Variants in CDK11A observed in about 807,000 individuals in gnomAD.
CDK11A encodes the protein cyclin dependent kinase 11A.
A neutral mutation model predicts 83.6 loss-of-function variants in CDK11A; 55 were observed. The ratio of observed to expected loss-of-function variants is 0.66; its 90% CI spans 0.53 to 0.82. CDK11A has a LOEUF of 0.82. CDK11A is among the 40% of genes least tolerant of loss of function. CDK11A has a pLI of 0.00. For missense variants in CDK11A, 564 were observed against 810.1 expected (o/e 0.70, Z 3.69); for synonymous variants, 247 against 302.7 (o/e 0.82, Z 1.91).
chr1:1,717,408 C>CAACATCTCCTGATGTT (rs1644708338), intron 4 of CDK11A, among the ~76,000 whole-genome samples: 1 of 151,134 alleles, frequency 6.6e-6, no homozygotes, highest in African/African-American at 2.4e-5. Context: ...GATGTTGGTA[C>CAACATCTCCTGATGTT]GAGATCAAAC....
rs550710378 is a variant in CDK11A, at chr1:1,714,838, T to C, written c.488+1508A>G. On this transcript the variant is annotated intron_variant, in intron 5 of 19. Transcript: ENST00000404249. ...ATCCTCAGGGCTGGTCACAAGTGGG[T>C]GGCGGCTCGAGCTCTCTCCAGTCTC... Among the ~76,000 whole-genome samples the C allele has an allele frequency of 3.8e-3, 551 of 144,092 alleles. 7 individuals carry two copies. The highest frequency in any genetic ancestry group is 0.013 in the African/African-American group (528 of 39,874). 94.5% of individuals were successfully genotyped at this position (144,092 alleles called of 152,430 possible). A position where few individuals can be genotyped will look rare whatever the true frequency, so the allele number is the denominator to read the frequency against.
intron 5 of CDK11A, 21 bp downstream of exon 5, chr1:1,716,325 C>G (rs749820169): frequency 8.1e-6 from 13 of 1,607,094 alleles, no homozygotes; most frequent in Non-Finnish European, 1.0e-5. Context: ...ATAAAGTCCT[C>G]AACTGACCCA....
chr1:1,704,476 G>A (rs774425128), intron 14 of CDK11A, 74 bp downstream of exon 14: 7 of 1,554,576 alleles, frequency 4.5e-6, no homozygotes, highest in Non-Finnish European at 6.1e-6. Flanking sequence ...CCTCCCTGCA[G>A]CACTGTCACC....
chr1:1,718,304 CTAGAG>C (rs969622605), intron 4 of CDK11A, among the ~76,000 whole-genome samples: 11 of 148,640 alleles, frequency 7.4e-5, no homozygotes, highest in African/African-American at 2.7e-4. Context: ...ATGCTTTCAG[CTAGAG>C]TATTCTCTCT....
In CDK11A at chr1:1,719,510, C is replaced by T. The variant is rs567135494; in HGVS notation, c.228-55G>A. ...TGCTTGAGAAAGTGCGGAAAAGCAT[C>T]AGGCTATTATGAGGTTTTTTCAACC... On this transcript the variant is annotated intron_variant, in intron 3 of 19. Transcript: ENST00000404249. 1.4e-4 allele frequency: 183 copies of T among 1,338,116 alleles called. 3 individuals are homozygous for T. In the African/African-American group the frequency reaches 2.7e-3, roughly 19 times the overall value. The allele number at this position is 1,338,116 out of a possible 1,614,324, so 82.9% of individuals were successfully genotyped here. A position where few individuals can be genotyped will look rare whatever the true frequency, so the allele number is the denominator to read the frequency against.
At position 1,702,805 on chromosome 1, in the gene CDK11A, A is replaced by G. The variant is rs1644134787; in HGVS notation, c.*102T>C. 4.0e-6 allele frequency: 2 copies of G among 496,574 alleles called. No homozygotes were observed. Among genetic ancestry groups the G allele is most frequent in the Non-Finnish European group, 7.4e-6 (2 of 270,536 alleles). The allele number at this position is 496,574 out of a possible 1,614,324, so 30.8% of individuals were successfully genotyped here. On this transcript the variant is annotated 3_prime_UTR_variant, in exon 20 of 20. Transcript: ENST00000404249. ...AATACAAAAACAAAACATGGAGCAC[A>G]AAGTAAGACGAGGAGTTCCGAGTCT...
Position 1,707,126 on chromosome 1 carries a change from G to A in CDK11A, c.1245+283C>T, listed in dbSNP as rs553097552. ...TCCAGTGCGGAGGAGGACGCAACTC[G>A]GGCAGCAGTGACAGCAGCGCGGCCG... On this transcript the variant is annotated intron_variant, in intron 11 of 19. Coordinates refer to ENST00000404249, the MANE Select transcript of CDK11A (RefSeq NM_024011.4). Among the ~76,000 whole-genome samples, 146 of 143,960 alleles carry A rather than the reference G, an allele frequency of 1.0e-3. 3 individuals are homozygous for A. Among genetic ancestry groups the A allele is most frequent in the South Asian group, 1.1e-3 (5 of 4,362 alleles). 94.4% of individuals were successfully genotyped at this position (143,960 alleles called of 152,430 possible).
In CDK11A at chr1:1,716,510, C is replaced by T. The variant is rs752313298; in HGVS notation, c.356-32G>A. ...AGAAATAAAGTGTCATGCAAAGAAACCTCACTTCAAAAATTTCACGAGGCC... is the reference window on the plus strand; with the variant it reads ...AGAAATAAAGTGTCATGCAAAGAAATCTCACTTCAAAAATTTCACGAGGCC... On this transcript the variant is annotated intron_variant, in intron 4 of 19. Coordinates refer to ENST00000404249, the MANE Select transcript of CDK11A (RefSeq NM_024011.4). 4 of 1,600,808 alleles carry T rather than the reference C, an allele frequency of 2.5e-6. No individual in the cohort carries two copies. In the East Asian group the frequency reaches 6.7e-5, roughly 27 times the overall value.
chr1:1,710,722 AG>A (rs1257147711), intron 6 of CDK11A, among the ~76,000 whole-genome samples: 1 of 150,298 alleles, frequency 6.7e-6, no homozygotes, highest in African/African-American at 2.4e-5. Context: ...AGAGAACGAA[AG>A]GAAGATGTGG....
At position 1,707,319 on chromosome 1, in the gene CDK11A, C is replaced by T. The variant is rs1213845696; in HGVS notation, c.1245+90G>A. 73 of 1,352,110 alleles carry T rather than the reference C, an allele frequency of 5.4e-5. 1 individual carries two copies. Among genetic ancestry groups the T allele is most frequent in the South Asian group, 5.0e-4 (34 of 68,240 alleles). 83.8% of individuals were successfully genotyped at this position (1,352,110 alleles called of 1,614,324 possible). ...CCCAGCAGCCCTGTGAGGCGACAGA[C>T]GCCAACACGGGGGCCAGGCTTCGCT... is the stretch of plus-strand genomic sequence containing the variant. On this transcript the variant is annotated intron_variant, in intron 11 of 19. Coordinates refer to ENST00000404249, the MANE Select transcript of CDK11A (RefSeq NM_024011.4).
intron 4 of CDK11A, among the ~76,000 whole-genome samples, chr1:1,718,370 GCT>G (rs1191209143): frequency 7.0e-6 from 1 of 142,508 alleles, no homozygotes; most frequent in Non-Finnish European, 1.5e-5. Context: ...GCTGGAGTTT[GCT>G]CTCTCTGGTT....
intron 5 of CDK11A, among the ~76,000 whole-genome samples, chr1:1,715,652 C>A (rs1461637897): frequency 2.6e-5 from 4 of 150,944 alleles, no homozygotes; most frequent in African/African-American, 9.7e-5. Flanking sequence ...CCAGCCCTGG[C>A]TGCTGGCAAA....
rs372385365 is a variant in CDK11A, at chr1:1,704,359, G to A, written c.1565-15C>T. 4.9e-4 allele frequency: 789 copies of A among 1,606,014 alleles called. 29 individuals carry two copies. The highest frequency in any genetic ancestry group is 8.0e-4 in the South Asian group (72 of 90,408). On this transcript the variant is annotated splice_polypyrimidine_tract_variant and intron_variant, in intron 14 of 19. Coordinates refer to ENST00000404249, the MANE Select transcript of CDK11A (RefSeq NM_024011.4). ...CTTCACCTCCCCTGGGAGGGAGGGA[G>A]GCTCCCATGTGGACCCGGCCGCCCC...
intron 6 of CDK11A, among the ~76,000 whole-genome samples, chr1:1,710,661 A>G (rs1442525720): frequency 1.3e-5 from 2 of 150,816 alleles, no homozygotes; most frequent in Non-Finnish European, 3.0e-5. Flanking sequence ...ACCTGACGGT[A>G]GATGTCCCAG....
In CDK11A at chr1:1,716,986, G is replaced by A. The variant is rs78581301; in HGVS notation, c.356-508C>T. The stretch of plus-strand genomic sequence containing the variant: ...GGCCAAGCTGGTCTTGAACTCCTGG[G>A]CTCAAGTGATCCTCCATCCTTGTCC... On this transcript the variant is annotated intron_variant, in intron 4 of 19. Transcript: ENST00000404249. Among the ~76,000 whole-genome samples the A allele has an allele frequency of 2.7e-5, 4 of 146,176 alleles. 1 individual carries two copies. Among genetic ancestry groups the A allele is most frequent in the African/African-American group, 7.6e-5 (3 of 39,520 alleles).
Position 1,716,393 on chromosome 1 carries a change from T to C in CDK11A, c.441A>G (p.Glu147=), listed in dbSNP as rs1268644361. 2.5e-6 allele frequency: 4 copies of C among 1,609,084 alleles called. No homozygotes were observed. The highest frequency in any genetic ancestry group is 3.4e-6 in the Non-Finnish European group (4 of 1,176,618). ...TTGCCATTTCCCTTCTCTTCTGTCT[T>C]TCCCATTCCCGGCGAGCTTTATCCT... ...EEQDKARREW[E]RQKRREMARE... The change falls in exon 5 of 20, where the codon GAA becomes GAG. Residue 147 remains glutamate, a synonymous_variant. Coordinates refer to ENST00000404249, the MANE Select transcript of CDK11A (RefSeq NM_024011.4).
chr1:1,716,256 A>C, intron 5 of CDK11A, 90 bp downstream of exon 5: 2 of 1,430,704 alleles, frequency 1.4e-6, no homozygotes, highest in Non-Finnish European at 1.9e-6. Context: ...AACAAATGTG[A>C]CTTCTATTGC....
chr1:1,719,286 C>G (rs774444010), intron 4 of CDK11A, 42 bp downstream of exon 4: 1 of 1,457,468 alleles, frequency 6.9e-7, no homozygotes, highest in East Asian at 2.7e-5. Context: ...GGAAAGAAAC[C>G]ACACTTGAAC....
chr1:1,704,424 C>T lies in CDK11A; in HGVS notation c.1565-80G>A, dbSNP rs1318445163. ...CAGGGTGGCCCGCTCGCCTCGGCAG[C>T]AACAGAGGCTTCTCAGGGCTTTCCC... On this transcript the variant is annotated intron_variant, in intron 14 of 19. Coordinates refer to ENST00000404249, the MANE Select transcript of CDK11A (RefSeq NM_024011.4). 5.5e-5 allele frequency: 87 copies of T among 1,570,322 alleles called. 3 individuals carry two copies. Among genetic ancestry groups the T allele is most frequent in the Non-Finnish European group, 7.4e-5 (86 of 1,156,106 alleles).
Sources: gnomAD v4.1 joint callset for allele counts (sites outside exome capture counted in the v4.1 genomes callset) on GRCh38, gnomAD v4.1.1 for gene constraint, MANE v1.5 for transcripts, NCBI Gene and HGNC (gene_info 2026-07-23, HGNC 2026-07-21) for gene names.